Variants in ABTB3 observed in about 807,000 individuals in gnomAD.
The protein encoded by ABTB3 is ankyrin repeat- and BTB/POZ domain-containing protein 3.
the ABTB3 span, among the ~76,000 whole-genome samples, chr12:107,586,254 C>T: frequency 2.0e-5 from 3 of 152,098 alleles, no homozygotes; most frequent in African/African-American, 7.2e-5. Flanking sequence ...TCCGCACCAG[C>T]CATTTCCCCC....
the ABTB3 span, among the ~76,000 whole-genome samples, chr12:107,492,207 G>T: frequency 1.3e-5 from 2 of 152,282 alleles, no homozygotes. Flanking sequence ...ATATCTGAGA[G>T]TGGAAGGAAT....
the ABTB3 span, chr12:107,618,410 A>G: frequency 6.4e-7 from 1 of 1,573,856 alleles, no homozygotes; most frequent in Non-Finnish European, 8.7e-7. Flanking sequence ...CACGGGCACC[A>G]TGGTGCCCCC....
chr12:107,409,093 C>G, the ABTB3 span, among the ~76,000 whole-genome samples: 3 of 152,210 alleles, frequency 2.0e-5, no homozygotes, highest in Non-Finnish European at 4.4e-5. Flanking sequence ...CTCCGTCCCC[C>G]TCACCTTCCC....
chr12:107,556,095 AT>A, the ABTB3 span, among the ~76,000 whole-genome samples: 1,684 of 139,358 alleles, frequency 0.012, 4 homozygotes, highest in Middle Eastern at 0.024. Context: ...GTCAGCATCA[AT>A]TTTTTTTTTT....
the ABTB3 span, among the ~76,000 whole-genome samples, chr12:107,482,165 T>C: frequency 1.3e-5 from 2 of 152,130 alleles, no homozygotes; most frequent in East Asian, 3.9e-4. Context: ...TGGGCCAAAA[T>C]AACGCATGTC....
At chr12:107,620,223 G>T in the ABTB3 span, 1 of 1,582,794 alleles carries the variant, frequency 6.3e-7, no homozygotes, top group South Asian at 1.2e-5. Flanking sequence ...GAGGTTCCCA[G>T]ATCTGAACGG....
chr12:107,636,052 C>T, the ABTB3 span, among the ~76,000 whole-genome samples: 1 of 152,176 alleles, frequency 6.6e-6, no homozygotes, highest in African/African-American at 2.4e-5. Flanking sequence ...CTTCAGGCCA[C>T]CCCAAGAGGC....
chr12:107,330,780 G>T, the ABTB3 span, among the ~76,000 whole-genome samples: 24,629 of 152,244 alleles, frequency 0.16, 2,177 homozygotes, highest in East Asian at 0.24. Flanking sequence ...TTACGATCCT[G>T]CTGTAATATC....
chr12:107,565,200 C>G, the ABTB3 span, among the ~76,000 whole-genome samples: 2 of 152,202 alleles, frequency 1.3e-5, no homozygotes, highest in Non-Finnish European at 2.9e-5. Flanking sequence ...AGGAGCTCCC[C>G]TGTTAGGCAC....
At chr12:107,351,450 C>T in the ABTB3 span, among the ~76,000 whole-genome samples, 1 of 152,204 alleles carries the variant, frequency 6.6e-6, no homozygotes, top group Non-Finnish European at 1.5e-5. Context: ...AATGGCCTGG[C>T]TTCTAATGCC....
chr12:107,523,229 A>G, the ABTB3 span, among the ~76,000 whole-genome samples: 2 of 152,196 alleles, frequency 1.3e-5, no homozygotes, highest in Non-Finnish European at 2.9e-5. Context: ...AAAGGGAGTC[A>G]GTAGCTGATC....
At chr12:107,323,556 T>G in the ABTB3 span, among the ~76,000 whole-genome samples, 1 of 152,220 alleles carries the variant, frequency 6.6e-6, no homozygotes, top group African/African-American at 2.4e-5. Flanking sequence ...GGGAAACAGC[T>G]AAGGGACCCC....
the ABTB3 span, among the ~76,000 whole-genome samples, chr12:107,392,966 G>A: frequency 7.9e-5 from 12 of 152,210 alleles, no homozygotes; most frequent in Non-Finnish European, 1.2e-4. Context: ...TGAAGGATGG[G>A]AAGGATGCAG....
the ABTB3 span, among the ~76,000 whole-genome samples, chr12:107,622,866 G>A: frequency 1.3e-5 from 2 of 152,128 alleles, no homozygotes; most frequent in Admixed American, 1.3e-4. Context: ...GTAAAATGAG[G>A]CATATTCGTC....
the ABTB3 span, among the ~76,000 whole-genome samples, chr12:107,503,947 T>C: frequency 2.1e-4 from 32 of 152,200 alleles, 1 homozygote; most frequent in South Asian, 6.7e-3. Context: ...TTGATGCAAC[T>C]CCCAGAACAG....
At chr12:107,380,168 C>A in the ABTB3 span, among the ~76,000 whole-genome samples, 3 of 152,264 alleles carry the variant, frequency 2.0e-5, no homozygotes, top group African/African-American at 7.2e-5. Context: ...GTAAACAGAA[C>A]CAGTGTTTAC....
chr12:107,449,657 CT>C, the ABTB3 span, among the ~76,000 whole-genome samples: 11 of 151,308 alleles, frequency 7.3e-5, no homozygotes, highest in East Asian at 5.8e-4. Context: ...GAAGTACCCA[CT>C]TTTTTTTTAA....
the ABTB3 span, among the ~76,000 whole-genome samples, chr12:107,452,202 A>ATTTTTTT: frequency 4.5e-5 from 5 of 110,206 alleles, no homozygotes; most frequent in African/African-American, 6.4e-5. Context: ...GCCCATATGA[A>ATTTTTTT]TTTTTTTTTT....
chr12:107,454,243 C>T, the ABTB3 span, among the ~76,000 whole-genome samples: 6 of 152,190 alleles, frequency 3.9e-5, no homozygotes, highest in Non-Finnish European at 8.8e-5. Context: ...GTGAATAGGC[C>T]CCAAGCAGGG....
Sources: allele counts gnomAD v4.1 joint callset (sites outside exome capture counted in the v4.1 genomes callset), GRCh38; gene constraint gnomAD v4.1.1; transcripts MANE v1.5; gene names NCBI Gene and HGNC (gene_info 2026-07-23, HGNC 2026-07-21).